The following EYS variants were observed in gnomAD, a reference collection of about 807,000 sequenced individuals.
The protein encoded by EYS is protein eyes shut homolog.
Under a neutral mutation model 282.1 loss-of-function variants are expected in EYS, and 250 were observed. The ratio of observed to expected loss-of-function variants is 0.89; its 90% CI spans 0.80 to 0.98. The LOEUF (loss-of-function observed/expected upper bound fraction) is 0.98, where lower values mean the gene tolerates loss of function less well. Ranked by LOEUF, EYS falls within the 50% of genes least tolerant of loss-of-function variation. EYS has a pLI of 0.00. For missense variants in EYS, 4,016 were observed against 3,709.0 expected, an observed-to-expected ratio of 1.08 and a Z score of -2.15; for synonymous variants, 1,355 against 1,282.9, an observed-to-expected ratio of 1.06 and a Z score of -1.20.
chr6:64,148,087 A>AT (rs754165527), intron 31 of EYS, among the ~76,000 whole-genome samples: 9 of 152,124 alleles, frequency 5.9e-5, no homozygotes, highest in Non-Finnish European at 1.2e-4. Flanking sequence ...TGTTTATCAT[A>AT]TTTTTGGTAT....
intron 23 of EYS, among the ~76,000 whole-genome samples, chr6:64,625,076 A>G (rs1486844224): frequency 2.0e-5 from 3 of 152,164 alleles, no homozygotes; most frequent in Non-Finnish European, 4.4e-5. Flanking sequence ...CCCTACATAT[A>G]TTCCTGAGAA....
chr6:63,872,477 G>GTTTTTTTTTTT (rs3041455), intron 35 of EYS, among the ~76,000 whole-genome samples: 1 of 119,396 alleles, frequency 8.4e-6, no homozygotes, highest in Non-Finnish European at 1.6e-5. Flanking sequence ...CCTAAATATG[G>GTTTTTTTTTTT]TTTTTTTTTT....
At chr6:63,757,627 CT>C (rs1230605238) in intron 41 of EYS, among the ~76,000 whole-genome samples, 7 of 152,068 alleles carry the variant, frequency 4.6e-5, no homozygotes, top group African/African-American at 1.7e-4. Context: ...CATCACACAC[CT>C]ACCAATATGT....
At chr6:64,198,945 A>G (rs1453597066) in intron 31 of EYS, among the ~76,000 whole-genome samples, 1 of 152,204 alleles carries the variant, frequency 6.6e-6, no homozygotes, top group Non-Finnish European at 1.5e-5. Flanking sequence ...TCCCACCAAC[A>G]GTGTAAAAGC....
intron 33 of EYS, among the ~76,000 whole-genome samples, chr6:64,047,969 G>A (rs1232229622): frequency 1.3e-5 from 2 of 152,070 alleles, no homozygotes; most frequent in Non-Finnish European, 2.9e-5. Flanking sequence ...GCAGTGGTGC[G>A]ATCTTGGCTC....
chr6:64,943,379 C>A (rs1309686241), intron 15 of EYS, among the ~76,000 whole-genome samples: 1 of 151,906 alleles, frequency 6.6e-6, no homozygotes. Flanking sequence ...TAAAAGGTAT[C>A]CAAAAAGGAA....
chr6:63,937,405 G>A (rs1378533966), intron 35 of EYS, among the ~76,000 whole-genome samples: 1 of 64,762 alleles, frequency 1.5e-5, no homozygotes, highest in African/African-American at 5.4e-5. Context: ...TTTTGAGACG[G>A]AGTCTCACTT....
chr6:65,446,751 A>G (rs1417692305), intron 5 of EYS, among the ~76,000 whole-genome samples: 1 of 151,896 alleles, frequency 6.6e-6, no homozygotes, highest in African/African-American at 2.4e-5. Flanking sequence ...AGCAGTGTTC[A>G]TGGGATCTAA....
chr6:65,452,154 T>A (rs1438691810), intron 5 of EYS, among the ~76,000 whole-genome samples: 1 of 151,782 alleles, frequency 6.6e-6, no homozygotes, highest in Admixed American at 6.6e-5. Context: ...GGAGGTCAGC[T>A]CTTATTAATA....
chr6:65,154,609 T>A (rs1581962533), intron 12 of EYS, among the ~76,000 whole-genome samples: 2 of 151,778 alleles, frequency 1.3e-5, no homozygotes, highest in African/African-American at 4.8e-5. Context: ...AATGGTTATA[T>A]GAGCAAAGAG....
intron 13 of EYS, among the ~76,000 whole-genome samples, chr6:65,012,895 G>A (rs763891855): frequency 1.3e-5 from 2 of 150,186 alleles, no homozygotes; most frequent in Non-Finnish European, 3.0e-5. Context: ...TCTATCAAGT[G>A]GCTACTTTTT....
At chr6:64,780,463 A>G (rs542345977) in intron 22 of EYS, among the ~76,000 whole-genome samples, 26 of 152,218 alleles carry the variant, frequency 1.7e-4, no homozygotes, top group African/African-American at 6.0e-4. Context: ...GAGCTAACCA[A>G]TGGGCACACA....
chr6:65,530,334 T>C lies in EYS; in HGVS notation c.-332-34341A>G, dbSNP rs560724881. Among the ~76,000 whole-genome samples, 4 of 152,270 alleles carry C rather than the reference T, an allele frequency of 2.6e-5. No homozygotes were observed. In the South Asian group the frequency reaches 8.3e-4, roughly 32 times the overall value. On this transcript the variant is annotated intron_variant, in intron 2 of 42. Transcript: ENST00000503581. ...CTCCAAAGTAGGAGTCAGCAAACAATGGCCTGTGGGACTCCAAATTCAGCC... is the reference window on the plus strand; with the variant it reads ...CTCCAAAGTAGGAGTCAGCAAACAACGGCCTGTGGGACTCCAAATTCAGCC...
At chr6:64,748,122 T>C (rs920652132) in intron 22 of EYS, among the ~76,000 whole-genome samples, 7 of 152,250 alleles carry the variant, frequency 4.6e-5, no homozygotes, top group African/African-American at 1.7e-4. Context: ...GAAATTGTAC[T>C]GTGTGATACC....
At chr6:64,091,604 C>T (rs1772363674) in intron 31 of EYS, among the ~76,000 whole-genome samples, 1 of 152,128 alleles carries the variant, frequency 6.6e-6, no homozygotes, top group Admixed American at 6.6e-5. Flanking sequence ...CGTTGATGGT[C>T]CCCAGACTTG....
At chr6:63,973,138 T>C (rs1320414455) in intron 35 of EYS, among the ~76,000 whole-genome samples, 1 of 152,144 alleles carries the variant, frequency 6.6e-6, no homozygotes, top group Non-Finnish European at 1.5e-5. Context: ...CACACTGTCT[T>C]CCATAATGGT....
chr6:64,963,657 A>G (rs1001857775), intron 14 of EYS, among the ~76,000 whole-genome samples: 2 of 152,154 alleles, frequency 1.3e-5, no homozygotes, highest in African/African-American at 4.8e-5. Context: ...CAACTCATAC[A>G]ATTTTAGCTA....
chr6:64,115,251 G>C (rs563502293), intron 31 of EYS, among the ~76,000 whole-genome samples: 5 of 152,064 alleles, frequency 3.3e-5, no homozygotes, highest in African/African-American at 1.2e-4. Context: ...GCTGCAGTTC[G>C]GGGGTGGGGT....
chr6:65,163,160 T>C (rs963901924), intron 12 of EYS, among the ~76,000 whole-genome samples: 1 of 151,260 alleles, frequency 6.6e-6, no homozygotes, highest in African/African-American at 2.4e-5. Flanking sequence ...TCCATTATTT[T>C]AGAGCTTTTT....
Sources: allele counts gnomAD v4.1 joint callset (sites outside exome capture counted in the v4.1 genomes callset), GRCh38; gene constraint gnomAD v4.1.1; transcripts MANE v1.5; gene names NCBI Gene and HGNC (gene_info 2026-07-23, HGNC 2026-07-21).